APBA2: variants seen among roughly 807,000 people sequenced by gnomAD.
APBA2 encodes amyloid beta precursor protein binding family A member 2.
In APBA2, 30 loss-of-function variants were observed where a neutral mutation model predicts 75.0. The observed-to-expected ratio is 0.40, with a 90% CI of 0.30 to 0.54. The LOEUF (loss-of-function observed/expected upper bound fraction) is 0.54. APBA2 is among the 20% of genes least tolerant of loss of function. The pLI is 0.49. For missense variants in APBA2, 801 were observed against 1,016.1 expected (o/e 0.79, Z 2.88); for synonymous variants, 444 against 409.6 (o/e 1.08, Z -1.01).
intron 3 of APBA2, among the ~76,000 whole-genome samples, chr15:29,051,589 A>C (rs8038568): frequency 0.22 from 33,942 of 152,070 alleles, 4,482 homozygotes; most frequent in African/African-American, 0.37. Flanking sequence ...GGATGAAATA[A>C]TTATCTCCTT....
rs79142818 is a variant in APBA2 at position 29,045,099 on chromosome 15, C to T, written c.-40-8746C>T. ...TCTCTCTCTCTCTCTCTCTCTCTCT[C>T]TCTCGTCTCGCACTGTCACCTGGGC... On this transcript the variant is annotated intron_variant, in intron 3 of 14. Transcript: ENST00000683413. Among the ~76,000 whole-genome samples the T allele has an allele frequency of 2.6e-5, 3 of 115,038 alleles. No homozygotes were observed. In the African/African-American group the frequency reaches 3.1e-4, roughly 12 times the overall value. The allele number at this position is 115,038 out of a possible 152,430, so 75.5% of individuals were successfully genotyped here.
At chr15:29,060,125 T>G (rs1425408310) in intron 4 of APBA2, among the ~76,000 whole-genome samples, 1 of 152,202 alleles carries the variant, frequency 6.6e-6, no homozygotes, top group African/African-American at 2.4e-5. Flanking sequence ...GGAAAGGTTG[T>G]CATTGTGTTA....
intron 2 of APBA2, among the ~76,000 whole-genome samples, chr15:28,949,855 G>A (rs2152720569): frequency 6.6e-6 from 1 of 152,312 alleles, no homozygotes; most frequent in South Asian, 2.1e-4. Flanking sequence ...TCCCATGCTT[G>A]CTTCCTCCAG....
intron 10 of APBA2, 142 bp downstream of exon 10, chr15:29,101,926 G>T (rs926662827): frequency 1.2e-5 from 10 of 857,060 alleles, no homozygotes; most frequent in Non-Finnish European, 1.7e-5. Context: ...GTGATCTTTT[G>T]CATACTCTTT....
intron 4 of APBA2, among the ~76,000 whole-genome samples, chr15:29,059,121 G>T (rs2152898510): frequency 6.6e-6 from 1 of 152,322 alleles, no homozygotes; most frequent in Non-Finnish European, 1.5e-5. Flanking sequence ...CCCAGCTGAG[G>T]TTGAACAAGG....
At chr15:29,095,060 C>T (rs550985036) in intron 8 of APBA2, among the ~76,000 whole-genome samples, 4 of 148,346 alleles carry the variant, frequency 2.7e-5, no homozygotes, top group Non-Finnish European at 6.0e-5. Flanking sequence ...GAGTGAGACC[C>T]TATCTCTTAA....
At chr15:29,052,348 G>A (rs890291923) in intron 3 of APBA2, among the ~76,000 whole-genome samples, 1 of 150,918 alleles carries the variant, frequency 6.6e-6, no homozygotes, top group African/African-American at 2.5e-5. Context: ...CCAGCTACTC[G>A]GGAGGCTGAG....
intron 13 of APBA2, among the ~76,000 whole-genome samples, chr15:29,109,381 A>T (rs940029943): frequency 6.6e-6 from 1 of 152,176 alleles, no homozygotes; most frequent in Non-Finnish European, 1.5e-5. Flanking sequence ...AGAGTCTGCA[A>T]ATCTCCATAT....
intron 12 of APBA2, among the ~76,000 whole-genome samples, chr15:29,108,007 T>C (rs973758535): frequency 1.3e-5 from 2 of 152,138 alleles, no homozygotes; most frequent in Non-Finnish European, 2.9e-5. Context: ...CAGTGGCTAA[T>C]CTTCCCCAGG....
At chr15:29,063,267 T>C in intron 4 of APBA2, among the ~76,000 whole-genome samples, 1 of 125,818 alleles carries the variant, frequency 7.9e-6, no homozygotes, top group Non-Finnish European at 1.7e-5. Flanking sequence ...GGTCAGTGTC[T>C]GTATGGGTGG....
chr15:29,040,281 T>C (rs1358355082), intron 3 of APBA2, among the ~76,000 whole-genome samples: 1 of 152,160 alleles, frequency 6.6e-6, no homozygotes, highest in East Asian at 1.9e-4. Flanking sequence ...GGGGCTGCAG[T>C]TGCAAGAAAC....
At chr15:28,970,421 C>G (rs1470418366) in intron 2 of APBA2, 2 of 149,318 alleles carry the variant, frequency 1.3e-5, no homozygotes, top group Non-Finnish European at 1.5e-5. Flanking sequence ...TCATGCTTGT[C>G]ATCTCAGCCC....
chr15:29,106,587 CA>C lies in APBA2; in HGVS notation c.1705-19del, dbSNP rs778335465. On this transcript the variant is annotated intron_variant, in intron 11 of 14. Coordinates refer to ENST00000683413, the MANE Select transcript of APBA2 (RefSeq NM_001353788.2). ...CGGTCCTTGCCGCCAGCCCCTCTCA[CA>C]CTGCTGATCCCTTTGCAGCTGCAGC... 2 of 1,612,978 alleles carry C rather than the reference CA, an allele frequency of 1.2e-6. No individual in the cohort carries two copies. Among genetic ancestry groups the C allele is most frequent in the Non-Finnish European group, 1.7e-6 (2 of 1,179,912 alleles).
intron 6 of APBA2, among the ~76,000 whole-genome samples, chr15:29,078,407 T>C (rs2042940736): frequency 6.6e-6 from 1 of 152,010 alleles, no homozygotes; most frequent in African/African-American, 2.4e-5. Context: ...GGTCAGGAGT[T>C]CAAGACCAGC....
chr15:29,037,446 A>T (rs2040808026), intron 3 of APBA2, among the ~76,000 whole-genome samples: 2 of 152,150 alleles, frequency 1.3e-5, no homozygotes, highest in South Asian at 4.2e-4. Flanking sequence ...GTGAGATTAC[A>T]GGTTGCCCAT....
intron 1 of APBA2, among the ~76,000 whole-genome samples, chr15:28,906,563 C>A (rs959148756): frequency 1.3e-5 from 2 of 152,192 alleles, no homozygotes; most frequent in Non-Finnish European, 2.9e-5. Context: ...ACAGATATTG[C>A]CAAGTTGCTC....
intron 4 of APBA2, among the ~76,000 whole-genome samples, chr15:29,060,141 A>G (rs1484288743): frequency 1.3e-5 from 2 of 152,238 alleles, no homozygotes; most frequent in Admixed American, 6.5e-5. Flanking sequence ...TGTTATCATC[A>G]GGACCCTTGG....
At position 28,961,058 on chromosome 15, in the gene APBA2, C is replaced by T. The variant is rs542574415; in HGVS notation, c.-94-34695C>T. ...ACAGGCGTGAGCCACCGCACCTAGC[C>T]GACACCCATCATTCTTACACAGTGA... On this transcript the variant is annotated intron_variant, in intron 2 of 14. Transcript: ENST00000683413. 3.3e-5 allele frequency among the ~76,000 whole-genome samples: 5 copies of T among 152,230 alleles called. No homozygotes were observed. In the East Asian group the frequency reaches 9.7e-4, roughly 29 times the overall value.
At chr15:29,032,035 T>A (rs1439009622) in intron 3 of APBA2, among the ~76,000 whole-genome samples, 12 of 152,242 alleles carry the variant, frequency 7.9e-5, no homozygotes, top group Non-Finnish European at 1.6e-4. Context: ...TTGGAAGGGC[T>A]GTCTAGAAGA....
Sources: gnomAD v4.1 joint callset for allele counts (sites outside exome capture counted in the v4.1 genomes callset) on GRCh38, gnomAD v4.1.1 for gene constraint, MANE v1.5 for transcripts, NCBI Gene and HGNC (gene_info 2026-07-23, HGNC 2026-07-21) for gene names.